CLN8: variants seen among roughly 807,000 people sequenced by gnomAD.
CLN8 encodes protein CLN8.
In CLN8, 14 loss-of-function variants were observed where a neutral mutation model predicts 15.7. That is an observed-to-expected ratio of 0.89 (90% CI 0.59 to 1.39). CLN8 has a LOEUF of 1.39. CLN8 is among the 40% of genes most tolerant of loss of function. The pLI is 0.00. For synonymous variants in CLN8, 188 were observed against 151.0 expected, an observed-to-expected ratio of 1.25 and a Z score of -1.80; for missense variants, 415 against 364.0, an observed-to-expected ratio of 1.14 and a Z score of -1.14.
chr8:1,774,697 T>C (rs1431768387), intron 2 of CLN8, among the ~76,000 whole-genome samples: 1 of 152,198 alleles, frequency 6.6e-6, no homozygotes, highest in Non-Finnish European at 1.5e-5. Context: ...TGAGGTGATA[T>C]AAAAGCACTG....
At chr8:1,772,640 G>A (rs1200245643) in intron 2 of CLN8, among the ~76,000 whole-genome samples, 1 of 151,778 alleles carries the variant, frequency 6.6e-6, no homozygotes, top group African/African-American at 2.4e-5. Flanking sequence ...GTGTGTGTGT[G>A]TGTGTGTGTG....
Position 1,771,115 on chromosome 8 carries a change from T to C in CLN8, c.61T>C (p.Trp21Arg). 6.2e-7 allele frequency: 1 copy of C among 1,614,006 alleles called. No homozygotes were observed. Among genetic ancestry groups the C allele is most frequent in the South Asian group, 1.1e-5 (1 of 91,082 alleles). Residue 21 changes from tryptophan (W) to arginine (R), a missense_variant, in exon 2 of 3, where the codon TGG (tryptophan) becomes CGG (arginine). Trp to Arg is a moderately radical substitution (Grantham distance 101, BLOSUM62 -3). Transcript: ENST00000331222. ...ESIFDLDYASWGIRSTLMVAG... is the reference protein window; with the variant it reads ...ESIFDLDYASRGIRSTLMVAG... ...CATTTTTGACCTGGACTATGCATCC[T>C]GGGGGATCCGCTCCACGCTGATGGT...
exon 1 of CLN8, chr8:1,755,848 G>A (rs970333237): frequency 7.2e-5 from 11 of 152,198 alleles, no homozygotes; most frequent in Admixed American, 2.6e-4. Flanking sequence ...GGAGACTCAC[G>A]AGTTGATGTG....
chr8:1,753,452 T>A (rs1389997981), upstream of CLN8, among the ~76,000 whole-genome samples: 2 of 150,060 alleles, frequency 1.3e-5, no homozygotes, highest in African/African-American at 4.9e-5. Flanking sequence ...GCACCTGTAA[T>A]CCCAGCTACT....
intron 1 of CLN8, among the ~76,000 whole-genome samples, chr8:1,756,850 T>C (rs1357153631): frequency 1.3e-5 from 2 of 151,932 alleles, no homozygotes; most frequent in East Asian, 3.9e-4. Flanking sequence ...ACCTGGTTAA[T>C]TTTTGTATTT....
In CLN8 at chr8:1,780,668, T is replaced by G; in HGVS notation, c.*101T>G. On this transcript the variant is annotated 3_prime_UTR_variant, in exon 3 of 3. Transcript: ENST00000331222. ...TGAATTAATGAGGCAGTGAATGTTTTGTGTTTACTTCTAAGGGAAATACTA... is the reference window on the plus strand; with the variant it reads ...TGAATTAATGAGGCAGTGAATGTTTGGTGTTTACTTCTAAGGGAAATACTA... The G allele has an allele frequency of 9.3e-7, 1 of 1,080,560 alleles. No homozygotes were observed. The allele number at this position is 1,080,560 out of a possible 1,614,324, so 66.9% of individuals were successfully genotyped here.
At chr8:1,771,950 T>TA (rs58831168) in intron 2 of CLN8, among the ~76,000 whole-genome samples, 104 of 150,930 alleles carry the variant, frequency 6.9e-4, no homozygotes, top group Non-Finnish European at 8.3e-4. Context: ...TTTATTTATT[T>TA]TTTGAGACGG....
Position 1,786,388 on chromosome 8 carries a change from C to T in CLN8, c.*5821C>T, listed in dbSNP as rs1377884621. 6.6e-6 allele frequency: 1 copy of T among 152,258 alleles called. No homozygotes were observed. Among genetic ancestry groups the T allele is most frequent in the African/African-American group, 2.4e-5 (1 of 41,464 alleles). 9.4% of individuals were successfully genotyped at this position (152,258 alleles called of 1,614,324 possible). A position where few individuals can be genotyped will look rare whatever the true frequency, so the allele number is the denominator to read the frequency against. On this transcript the variant is annotated 3_prime_UTR_variant, in exon 3 of 3. Coordinates refer to ENST00000331222, the MANE Select transcript of CLN8 (RefSeq NM_018941.4). ...CGCTTTCAGTTCACCCCTTTCTTTG[C>T]TAACTTTCTTCCTATTTTCTTCTAA... is the stretch of plus-strand genomic sequence containing the variant.
At chr8:1,754,934 G>A (rs948594098), upstream of CLN8, among the ~76,000 whole-genome samples, 1 of 152,212 alleles carries the variant, frequency 6.6e-6, no homozygotes, top group Non-Finnish European at 1.5e-5. Context: ...GCCACTGAAG[G>A]AGAAGGAGCC....
At position 1,780,231 on chromosome 8, in the gene CLN8, T is replaced by G. The variant is rs1801669308; in HGVS notation, c.544-19T>G. ...GGCAGTTTCGCATTGACTTGTGCAT[T>G]TGTCTTCTCTCCATGCAGGCGGGCT... On this transcript the variant is annotated intron_variant, in intron 2 of 2. Coordinates refer to ENST00000331222, the MANE Select transcript of CLN8 (RefSeq NM_018941.4). 6.2e-7 allele frequency: 1 copy of G among 1,614,250 alleles called. No individual in the cohort carries two copies. The highest frequency in any genetic ancestry group is 1.3e-5 in the African/African-American group (1 of 75,056).
intron 1 of CLN8, chr8:1,765,344 A>G (rs1462756283): frequency 1.3e-5 from 2 of 152,212 alleles, no homozygotes; most frequent in African/African-American, 4.8e-5. Flanking sequence ...TAAAAAGAAG[A>G]GTTTATATCT....
At position 1,784,713 on chromosome 8, in the gene CLN8, C is replaced by G. The variant is rs563935899; in HGVS notation, c.*4146C>G. 5.2e-5 allele frequency: 8 copies of G among 152,634 alleles called. 1 individual carries two copies. The South Asian group carries it at 1.4e-3, about 28-fold the overall frequency. 9.5% of individuals were successfully genotyped at this position (152,634 alleles called of 1,614,324 possible). A position where few individuals can be genotyped will look rare whatever the true frequency, so the allele number is the denominator to read the frequency against. ...AGGGAGTGGATGAACCAGTAGTACC[C>G]AGGGCTGCCAGGCAGGGCCCTGCAG... On this transcript the variant is annotated 3_prime_UTR_variant, in exon 3 of 3. Transcript: ENST00000331222.
intron 1 of CLN8, among the ~76,000 whole-genome samples, chr8:1,770,696 C>G (rs1007927717): frequency 6.6e-6 from 1 of 152,138 alleles, no homozygotes; most frequent in Non-Finnish European, 1.5e-5. Context: ...ACCGTGTGTT[C>G]CTGCCAGCAC....
chr8:1,780,879 A>C lies in CLN8; in HGVS notation c.*312A>C. 2 of 449,840 alleles carry C rather than the reference A, an allele frequency of 4.4e-6. No homozygotes were observed. Among genetic ancestry groups the C allele is most frequent in the Non-Finnish European group, 8.0e-6 (2 of 250,012 alleles). The allele number at this position is 449,840 out of a possible 1,614,324, so 27.9% of individuals were successfully genotyped here. A position where few individuals can be genotyped will look rare whatever the true frequency, so the allele number is the denominator to read the frequency against. On this transcript the variant is annotated 3_prime_UTR_variant, in exon 3 of 3. Transcript: ENST00000331222. ...CCTGTTGAGGAGTGGGGTGGCTTTG[A>C]ATGCTGGAAATGGCTTCATAGTGAA... is the stretch of plus-strand genomic sequence containing the variant.
intron 1 of CLN8, chr8:1,764,813 T>G (rs1191627567): frequency 7.0e-6 from 1 of 143,480 alleles, no homozygotes; most frequent in Non-Finnish European, 1.6e-5. Flanking sequence ...GATTCTGCTG[T>G]AAGTGACTCT....
At chr8:1,767,033 A>G (rs1026744876) in intron 1 of CLN8, among the ~76,000 whole-genome samples, 1 of 152,006 alleles carries the variant, frequency 6.6e-6, no homozygotes, top group Non-Finnish European at 1.5e-5. Flanking sequence ...GCTCTGCAGG[A>G]CTCCAGGAAG....
rs1172118994 is a variant in CLN8, at chr8:1,782,232, C to T, written c.*1665C>T. The T allele has an allele frequency of 3.3e-5, 5 of 151,134 alleles. No homozygotes were observed. The highest frequency in any genetic ancestry group is 3.2e-3 in the Middle Eastern group (1 of 316). 9.4% of individuals were successfully genotyped at this position (151,134 alleles called of 1,614,324 possible). On this transcript the variant is annotated 3_prime_UTR_variant, in exon 3 of 3. Coordinates refer to ENST00000331222, the MANE Select transcript of CLN8 (RefSeq NM_018941.4). ...TGATCTCGGCTCACTGCAACCTCCA[C>T]CTCCCGGGTTCCAGGGATTCTCCTG...
At position 1,781,594 on chromosome 8, in the gene CLN8, G is replaced by C. The variant is rs1346923227; in HGVS notation, c.*1027G>C. On this transcript the variant is annotated 3_prime_UTR_variant, in exon 3 of 3. Transcript: ENST00000331222. ...AAAATGAGAAGTTATTATTCATACT[G>C]TGTTGCTCATTTGACAAAATAAGGT... 1 of 151,630 alleles carries C rather than the reference G, an allele frequency of 6.6e-6. No homozygotes were observed. The highest frequency in any genetic ancestry group is 1.9e-4 in the East Asian group (1 of 5,140). 9.4% of individuals were successfully genotyped at this position (151,630 alleles called of 1,614,324 possible).
At chr8:1,768,101 G>A (rs1801141134) in intron 1 of CLN8, among the ~76,000 whole-genome samples, 1 of 151,684 alleles carries the variant, frequency 6.6e-6, no homozygotes, top group Admixed American at 6.6e-5. Context: ...GCACCACCAC[G>A]CCTGGCTGAT....
Sources: allele counts gnomAD v4.1 joint callset (sites outside exome capture counted in the v4.1 genomes callset), GRCh38; gene constraint gnomAD v4.1.1; transcripts MANE v1.5; gene names NCBI Gene and HGNC (gene_info 2026-07-23, HGNC 2026-07-21).